Variants in CYRIB observed in about 807,000 individuals in gnomAD.
CYRIB encodes CYFIP related Rac1 interactor B, also known as CYFIP-related Rac1 interactor B.
Under a neutral mutation model 44.2 loss-of-function variants are expected in CYRIB, and 8 were observed. The ratio of observed to expected loss-of-function variants is 0.18; its 90% confidence interval spans 0.11 to 0.33. The LOEUF (loss-of-function observed/expected upper bound fraction) is 0.33. Ranked by LOEUF, CYRIB falls within the 10% of genes least tolerant of loss-of-function variation. The pLI, the probability that CYRIB is intolerant of heterozygous loss-of-function variation, is 1.00. For missense variants in CYRIB, 185 were observed against 382.8 expected, an observed-to-expected ratio of 0.48 and a Z score of 4.31; for synonymous variants, 131 against 127.2, an observed-to-expected ratio of 1.03 and a Z score of -0.20.
At chr8:129,966,032 T>G (rs1179744871) in intron 2 of CYRIB, among the ~76,000 whole-genome samples, 1 of 151,976 alleles carries the variant, frequency 6.6e-6, no homozygotes, top group Non-Finnish European at 1.5e-5. Flanking sequence ...ATTTTTGTAT[T>G]TTTTGGTAGA....
chr8:129,959,209 T>C lies in CYRIB; in HGVS notation c.-243+11734A>G, dbSNP rs1351917516. The stretch of plus-strand genomic sequence containing the variant: ...TTAGGTCTCTATTAACAATTTATTT[T>C]CTCTACCCCCATCACAAAAAAGCAG... On this transcript the variant is annotated intron_variant, in intron 2 of 14. Coordinates refer to the CYRIB transcript ENST00000401979. Among the ~76,000 whole-genome samples, 4 of 152,056 alleles carry C rather than the reference T, an allele frequency of 2.6e-5. No homozygotes were observed. In the East Asian group the frequency reaches 7.7e-4, roughly 29 times the overall value.
intron 1 of CYRIB, among the ~76,000 whole-genome samples, chr8:129,972,900 A>C (rs180817166): frequency 5.3e-5 from 8 of 152,310 alleles, no homozygotes; most frequent in African/African-American, 1.9e-4. Flanking sequence ...CCTGGACTAC[A>C]GCTCTAGAAA....
At chr8:129,849,315 T>C in exon 10 of CYRIB, 1 of 1,613,620 alleles carries the variant, frequency 6.2e-7, no homozygotes, top group Non-Finnish European at 8.5e-7. Context: ...CACCCACCAT[T>C]ACCCTCAAGC....
At position 129,929,256 on chromosome 8, in the gene CYRIB, G is replaced by C. The variant is rs184979726; in HGVS notation, c.-50+10352C>G. ...TGAGAGAGTGAGGGAGAGAGTGTGA[G>C]AAGGAAAGAGGGAGACACGGGGAGA... On this transcript the variant is annotated intron_variant, in intron 1 of 11. Transcript: ENST00000519824. Among the ~76,000 whole-genome samples the C allele has an allele frequency of 1.6e-3, 248 of 152,084 alleles. 1 individual carries two copies. Among genetic ancestry groups the C allele is most frequent in the African/African-American group, 5.7e-3 (235 of 41,472 alleles).
intron 10 of CYRIB, among the ~76,000 whole-genome samples, chr8:129,848,663 G>A (rs922065627): frequency 1.3e-5 from 2 of 152,076 alleles, no homozygotes; most frequent in African/African-American, 4.8e-5. Context: ...GAACTCCTGG[G>A]CTCAAGGGAT....
At chr8:129,877,085 A>G (rs2059357278) in intron 3 of CYRIB, among the ~76,000 whole-genome samples, 1 of 152,248 alleles carries the variant, frequency 6.6e-6, no homozygotes, top group Non-Finnish European at 1.5e-5. Flanking sequence ...TACAGAGATT[A>G]AATTAAGATA....
At chr8:129,872,608 A>G (rs1227655887) in intron 3 of CYRIB, among the ~76,000 whole-genome samples, 1 of 152,120 alleles carries the variant, frequency 6.6e-6, no homozygotes, top group Non-Finnish European at 1.5e-5. Context: ...TAAAGCACTT[A>G]AAATCATAAA....
chr8:129,965,537 C>T (rs2095441190), intron 2 of CYRIB, among the ~76,000 whole-genome samples: 1 of 152,186 alleles, frequency 6.6e-6, no homozygotes, highest in South Asian at 2.1e-4. Flanking sequence ...TGGCTCACGC[C>T]TGTAATCCCA....
intron 2 of CYRIB, among the ~76,000 whole-genome samples, chr8:129,894,222 T>C (rs1351644599): frequency 6.6e-6 from 1 of 152,252 alleles, no homozygotes; most frequent in Non-Finnish European, 1.5e-5. Flanking sequence ...GTAACTTTAA[T>C]ACATGGTGCT....
At chr8:129,880,430 C>T in intron 2 of CYRIB, 1 of 985,804 alleles carries the variant, frequency 1.0e-6, no homozygotes, top group Non-Finnish European at 1.2e-6. Context: ...CTGGTTAGCA[C>T]CTTAATGAGA....
chr8:129,869,922 A>C lies in CYRIB; in HGVS notation c.195+1453T>G, dbSNP rs747912357. ...CAAAAAAAGGAATGGTTCCCACAAAAGAAATGTGTATAATGTGGGCAAAAG... is the reference window on the plus strand; with the variant it reads ...CAAAAAAAGGAATGGTTCCCACAAACGAAATGTGTATAATGTGGGCAAAAG... On this transcript the variant is annotated intron_variant, in intron 4 of 11. Coordinates refer to ENST00000519824, the Ensembl canonical transcript of CYRIB. Among the ~76,000 whole-genome samples the C allele has an allele frequency of 8.8e-4, 133 of 151,034 alleles. 2 individuals carry two copies. Among genetic ancestry groups the C allele is most frequent in the Non-Finnish European group, 5.6e-4 (38 of 67,746 alleles).
At chr8:129,928,286 A>C (rs1228128211) in intron 1 of CYRIB, among the ~76,000 whole-genome samples, 1 of 151,458 alleles carries the variant, frequency 6.6e-6, no homozygotes, top group East Asian at 1.9e-4. Flanking sequence ...TAGCCTGGGC[A>C]ACACAGCAAG....
At chr8:129,892,637 T>TA (rs144604394) in intron 2 of CYRIB, among the ~76,000 whole-genome samples, 6,595 of 152,260 alleles carry the variant, frequency 0.043, 234 homozygotes, top group African/African-American at 0.098. Context: ...TACACTAGGC[T>TA]GATGTAAAAC....
At chr8:129,847,976 A>T (rs1374263418) in intron 10 of CYRIB, among the ~76,000 whole-genome samples, 1 of 151,256 alleles carries the variant, frequency 6.6e-6, no homozygotes, top group Non-Finnish European at 1.5e-5. Flanking sequence ...TAATTTTTGT[A>T]TTTTTTTTCA....
At chr8:129,858,262 A>C (rs2047254256) in intron 5 of CYRIB, among the ~76,000 whole-genome samples, 1 of 152,228 alleles carries the variant, frequency 6.6e-6, no homozygotes, top group South Asian at 2.1e-4. Context: ...GACTCAGATG[A>C]AGCTCCTAAA....
chr8:129,870,428 G>A (rs1250913211), intron 4 of CYRIB, among the ~76,000 whole-genome samples: 1 of 152,248 alleles, frequency 6.6e-6, no homozygotes, highest in Middle Eastern at 3.4e-3. Flanking sequence ...TAAACACCAT[G>A]GAATCATTTA....
At chr8:129,908,316 T>C (rs1206880482) in intron 1 of CYRIB, among the ~76,000 whole-genome samples, 1 of 152,072 alleles carries the variant, frequency 6.6e-6, no homozygotes, top group East Asian at 1.9e-4. Context: ...CGATAATTTG[T>C]AACAGGGAGG....
intron 2 of CYRIB, chr8:129,949,029 T>C (rs917886680): frequency 7.2e-5 from 11 of 152,156 alleles, no homozygotes; most frequent in Non-Finnish European, 1.6e-4. Flanking sequence ...GGGTCGTGAT[T>C]GCACTATTGC....
rs531981855 is a variant in CYRIB, at chr8:129,929,399, G to C, written c.-50+10209C>G. On this transcript the variant is annotated intron_variant, in intron 1 of 11. Transcript: ENST00000519824. ...ATGGAAGATGAATACGATTTCAAGGGATCTTACTGGGTTAACAGACAACAT... is the reference window on the plus strand; with the variant it reads ...ATGGAAGATGAATACGATTTCAAGGCATCTTACTGGGTTAACAGACAACAT... Among the ~76,000 whole-genome samples the C allele has an allele frequency of 2.1e-4, 32 of 152,238 alleles. No homozygotes were observed. The South Asian group carries it at 6.2e-3, about 30-fold the overall frequency.
Sources: gnomAD v4.1 joint callset for allele counts (sites outside exome capture counted in the v4.1 genomes callset) on GRCh38, gnomAD v4.1.1 for gene constraint, MANE v1.5 for transcripts, NCBI Gene and HGNC (gene_info 2026-07-23, HGNC 2026-07-21) for gene names.